FRMPD1: variants seen among roughly 807,000 people sequenced by gnomAD.
FRMPD1 encodes FERM and PDZ domain-containing protein 1.
FRMPD1 carries 76 observed loss-of-function variants against 117.8 expected under a neutral mutation model. That is an observed-to-expected ratio of 0.65 (90% CI 0.54 to 0.78). FRMPD1 has a LOEUF of 0.78. Among genes scored for constraint, FRMPD1 ranks in the 30% least tolerant of loss-of-function variants. The pLI is 0.00. For synonymous variants in FRMPD1, 783 were observed against 770.4 expected, an observed-to-expected ratio of 1.02 and a Z score of -0.27; for missense variants, 1,786 against 1,964.5, an observed-to-expected ratio of 0.91 and a Z score of 1.72.
chr9:37,721,655 A>G (rs1196134509), intron 6 of FRMPD1, among the ~76,000 whole-genome samples: 1 of 152,206 alleles, frequency 6.6e-6, no homozygotes, highest in African/African-American at 2.4e-5. Context: ...CTGTTAGTCT[A>G]TACAATAATT....
chr9:37,676,673 G>T (rs1198420790), intron 1 of FRMPD1, among the ~76,000 whole-genome samples: 2 of 152,146 alleles, frequency 1.3e-5, no homozygotes, highest in African/African-American at 2.4e-5. Flanking sequence ...GTGGCCCGTT[G>T]GCCTGAACCC....
rs60254927 is a variant in FRMPD1, at chr9:37,708,078, C to T, written c.260-321C>T. Reference sequence around the variant, plus strand: ...AAAATGTATTGATTTCTATTTACTACACATACACACCAGAGTTTTTTAGAG... The same window carrying T: ...AAAATGTATTGATTTCTATTTACTATACATACACACCAGAGTTTTTTAGAG... On this transcript the variant is annotated intron_variant, in intron 3 of 15. Transcript: ENST00000377765. 5.8e-3 allele frequency among the ~76,000 whole-genome samples: 879 copies of T among 152,312 alleles called. 11 individuals carry two copies. Among genetic ancestry groups the T allele is most frequent in the African/African-American group, 0.019 (794 of 41,548 alleles).
intron 12 of FRMPD1, among the ~76,000 whole-genome samples, chr9:37,734,679 C>A (rs983246099): frequency 6.6e-6 from 1 of 152,100 alleles, no homozygotes; most frequent in Non-Finnish European, 1.5e-5. Flanking sequence ...TGTAATCAGA[C>A]TGCTAACCTA....
chr9:37,711,012 G>A (rs908413277), intron 4 of FRMPD1, among the ~76,000 whole-genome samples: 1 of 151,804 alleles, frequency 6.6e-6, no homozygotes, highest in East Asian at 1.9e-4. Flanking sequence ...GGTTGTCACT[G>A]GATGAGTTCT....
At chr9:37,718,522 T>C (rs1414580799) in intron 5 of FRMPD1, among the ~76,000 whole-genome samples, 2 of 152,202 alleles carry the variant, frequency 1.3e-5, no homozygotes, top group Non-Finnish European at 2.9e-5. Flanking sequence ...TCTTTACTTC[T>C]TTGGGAAAAG....
rs568297029 is a variant in FRMPD1 at position 37,701,355 on chromosome 9, GACAAGAGACTTTGC to G, written c.102-6058_102-6045del. Among the ~76,000 whole-genome samples the G allele has an allele frequency of 4.0e-4, 61 of 152,300 alleles. 2 individuals are homozygous for G. In the East Asian group the frequency reaches 0.011, roughly 28 times the overall value. ...TTGCTACACAAACTAGTCCAGAGAG[GACAAGAGACTTTGC>G]ACTGGTCTGTAGGTACATTTTGTAG... On this transcript the variant is annotated intron_variant, in intron 2 of 15. Coordinates refer to ENST00000377765, the MANE Select transcript of FRMPD1 (RefSeq NM_014907.3).
Position 37,746,552 on chromosome 9 carries a change from TCA to T in FRMPD1, c.4523_4524del (p.Thr1508ArgfsTer3), listed in dbSNP as rs769946476. ...CAGCTGGCCGGCCTGTGCTTTCAGT[TCA>T]CAGACTGTAGCCGCTGCTCCGCCCG... On this transcript the variant is annotated frameshift_variant, in exon 16 of 16. Transcript: ENST00000377765. LOFTEE classifies it high-confidence loss of function. 5.6e-6 allele frequency: 9 copies of T among 1,613,670 alleles called. No individual in the cohort carries two copies. The East Asian group carries it at 8.9e-5, about 16-fold the overall frequency.
chr9:37,607,910 C>G, the FRMPD1 span, among the ~76,000 whole-genome samples: 1 of 152,164 alleles, frequency 6.6e-6, no homozygotes, highest in Non-Finnish European at 1.5e-5. Flanking sequence ...AATTAATAGA[C>G]GATAGCAAGA....
chr9:37,712,131 C>T (rs373625815), intron 5 of FRMPD1, among the ~76,000 whole-genome samples: 4 of 152,036 alleles, frequency 2.6e-5, no homozygotes, highest in South Asian at 2.1e-4. Flanking sequence ...GACCACATAC[C>T]AGGCTACCAA....
chr9:37,693,193 TTTCTGTGTC>T (rs1480955266), intron 2 of FRMPD1: 1 of 157,686 alleles, frequency 6.3e-6, no homozygotes, highest in African/African-American at 2.4e-5. Context: ...GTTTATATTC[TTTCTGTGTC>T]TTCTGTGTCT....
In FRMPD1 at chr9:37,744,766, A is replaced by G. The variant is rs1017567070; in HGVS notation, c.2734A>G (p.Lys912Glu). ...GCTGCTGGCTCCTCTGAGGGAGACCAAGAGCACAAACCCAGCCTCCAGGGT... is the reference window on the plus strand; with the variant it reads ...GCTGCTGGCTCCTCTGAGGGAGACCGAGAGCACAAACCCAGCCTCCAGGGT... ...LGLLAPLRET[K>E]STNPASRVME... is the part of the protein sequence containing the mutation. Residue 912 changes from lysine to glutamate, a missense_variant, in exon 16 of 16, where the codon AAG becomes GAG. Transcript: ENST00000377765. The G allele has an allele frequency of 2.9e-5, 47 of 1,614,048 alleles. No homozygotes were observed. Among genetic ancestry groups the G allele is most frequent in the Non-Finnish European group, 3.7e-5 (44 of 1,180,022 alleles).
Position 37,731,701 on chromosome 9 carries a change from G to A in FRMPD1, c.858+598G>A, listed in dbSNP as rs147287384. ...AGCTTGGCCAACATGGTGAAACCCC[G>A]TCTCTACCAAAAATACAAAAAATTA... On this transcript the variant is annotated intron_variant, in intron 9 of 15. Coordinates refer to ENST00000377765, the MANE Select transcript of FRMPD1 (RefSeq NM_014907.3). Among the ~76,000 whole-genome samples, 511 of 152,080 alleles carry A rather than the reference G, an allele frequency of 3.4e-3. 3 individuals carry two copies. Among genetic ancestry groups the A allele is most frequent in the African/African-American group, 0.011 (449 of 41,490 alleles).
intron 6 of FRMPD1, among the ~76,000 whole-genome samples, chr9:37,723,093 A>G (rs765174525): frequency 6.6e-5 from 10 of 152,134 alleles, no homozygotes; most frequent in Non-Finnish European, 8.8e-5. Flanking sequence ...AGTGGAGAGC[A>G]TCCCTCTGCC....
chr9:37,678,817 T>C (rs1563927960), intron 1 of FRMPD1, among the ~76,000 whole-genome samples: 1 of 152,216 alleles, frequency 6.6e-6, no homozygotes, highest in African/African-American at 2.4e-5. Flanking sequence ...ATCAAAACAC[T>C]TTCCAGGAAC....
the FRMPD1 span, among the ~76,000 whole-genome samples, chr9:37,629,975 T>A: frequency 6.6e-6 from 1 of 152,176 alleles, no homozygotes; most frequent in Non-Finnish European, 1.5e-5. Context: ...AGGACCTTTT[T>A]CTGGGTTGCG....
At chr9:37,638,011 T>TTCTTC in the FRMPD1 span, among the ~76,000 whole-genome samples, 1 of 126,336 alleles carries the variant, frequency 7.9e-6, no homozygotes, top group Non-Finnish European at 1.7e-5. Flanking sequence ...TTTCTTTCTT[T>TTCTTC]CTTTCTTTCT....
At chr9:37,636,545 G>A in the FRMPD1 span, 2 of 628,010 alleles carry the variant, frequency 3.2e-6, no homozygotes, top group African/African-American at 3.7e-5. Flanking sequence ...CAGGCAGATG[G>A]GCCAGAGGGA....
At chr9:37,706,380 G>T (rs533886488) in intron 2 of FRMPD1, among the ~76,000 whole-genome samples, 7 of 152,314 alleles carry the variant, frequency 4.6e-5, no homozygotes, top group African/African-American at 1.4e-4. Flanking sequence ...ATTGCATTAG[G>T]CAGGGTTCCT....
the FRMPD1 span, among the ~76,000 whole-genome samples, chr9:37,643,491 T>C: frequency 1.3e-4 from 20 of 152,230 alleles, no homozygotes; most frequent in African/African-American, 4.1e-4. Context: ...ATTTCCACAA[T>C]TGCAAATTTA....
Sources: allele counts gnomAD v4.1 joint callset (sites outside exome capture counted in the v4.1 genomes callset), GRCh38; gene constraint gnomAD v4.1.1; transcripts MANE v1.5; gene names NCBI Gene and HGNC (gene_info 2026-07-23, HGNC 2026-07-21).